The following IMPA1 variants were observed in gnomAD, a reference collection of about 807,000 sequenced individuals.
The protein encoded by IMPA1 is D-galactose 1-phosphate phosphatase.
IMPA1 carries 21 observed loss-of-function variants against 34.9 expected under a neutral mutation model. The observed-to-expected ratio is 0.60, with a 90% confidence interval of 0.43 to 0.87. The LOEUF is 0.87. Ranked by LOEUF, IMPA1 falls within the 40% of genes least tolerant of loss-of-function variation. The probability of loss-of-function intolerance (pLI) is 0.00; values close to 1 mark genes in which losing one functional copy is unlikely to be tolerated. For missense variants in IMPA1, 299 were observed against 336.4 expected, an observed-to-expected ratio of 0.89 and a Z score of 0.87; for synonymous variants, 95 against 104.4, an observed-to-expected ratio of 0.91 and a Z score of 0.55.
chr8:81,678,686 C>T (rs867592013), intron 4 of IMPA1: 44 of 174,528 alleles, frequency 2.5e-4, no homozygotes, highest in African/African-American at 1.0e-3. Context: ...GAGGGAAACT[C>T]CATCTTAAAA....
intron 7 of IMPA1, among the ~76,000 whole-genome samples, chr8:81,665,720 A>G (rs1479196560): frequency 1.3e-5 from 2 of 152,228 alleles, no homozygotes; most frequent in Non-Finnish European, 2.9e-5. Flanking sequence ...GCCTCCAGTT[A>G]AAAGATAAAA....
chr8:81,686,070 C>CCCGG (rs1807515050), intron 1 of IMPA1, 182 bp downstream of exon 1: 2 of 1,039,250 alleles, frequency 1.9e-6, no homozygotes, highest in Admixed American at 7.3e-5. Flanking sequence ...CGGAACTGTT[C>CCCGG]CCGGTCGCCC....
chr8:81,665,047 C>A (rs1806780217), intron 7 of IMPA1, among the ~76,000 whole-genome samples: 1 of 152,036 alleles, frequency 6.6e-6, no homozygotes, highest in Admixed American at 6.6e-5. Context: ...AGCAGGAACC[C>A]TGATCACAAA....
At chr8:81,662,267 TTTGATA>T (rs1806702099) in intron 7 of IMPA1, among the ~76,000 whole-genome samples, 3 of 152,322 alleles carry the variant, frequency 2.0e-5, no homozygotes, top group Middle Eastern at 3.4e-3. Context: ...ATATGTGATA[TTTGATA>T]TCTCATATCA....
At position 81,670,933 on chromosome 8, in the gene IMPA1, G is replaced by A; in HGVS notation, c.566+6C>T. On this transcript the variant is annotated splice_donor_region_variant and intron_variant, in intron 7 of 8. Coordinates refer to ENST00000256108, the MANE Select transcript of IMPA1 (RefSeq NM_005536.4). ...GAGAGAGATAGAATAATGGTAAAGA[G>A]CTTACCCATGAACAGGAATGCAAAA... The A allele has an allele frequency of 2.2e-6, 3 of 1,380,872 alleles. No individual in the cohort carries two copies. Among genetic ancestry groups the A allele is most frequent in the African/African-American group, 3.0e-5 (2 of 66,912 alleles). The allele number at this position is 1,380,872 out of a possible 1,614,324, so 85.5% of individuals were successfully genotyped here. A position where few individuals can be genotyped will look rare whatever the true frequency, so the allele number is the denominator to read the frequency against.
At chr8:81,674,916 T>C in intron 5 of IMPA1, 1 of 434,444 alleles carries the variant, frequency 2.3e-6, no homozygotes, top group South Asian at 1.6e-5. Flanking sequence ...TCAAATTTAA[T>C]CTCAAAAACA....
chr8:81,671,586 T>C (rs1806989679), intron 6 of IMPA1, among the ~76,000 whole-genome samples: 1 of 152,178 alleles, frequency 6.6e-6, no homozygotes, highest in Admixed American at 6.5e-5. Flanking sequence ...CTGTAACTGT[T>C]GTACTACATT....
chr8:81,682,063 A>T (rs540554297), intron 1 of IMPA1, among the ~76,000 whole-genome samples: 2,979 of 152,302 alleles, frequency 0.02, 87 homozygotes, highest in African/African-American at 0.066. Flanking sequence ...CCAAAATTAC[A>T]GACAAATGAC....
rs138569257 is a variant in IMPA1, at chr8:81,680,697, A to T, written c.150T>A (p.Val50=). The T allele has an allele frequency of 3.1e-6, 5 of 1,612,608 alleles. No homozygotes were observed. The African/African-American group carries it at 6.7e-5, about 22-fold the overall frequency. The part of the protein sequence containing the change: ...VDLVTATDQK[V]EKMLISSIKE... ...TTATGGAAGAGATAAGCATTTTTTC[A>T]ACTTTTTGGTCCGTAGCAGTTACCA... The change falls in exon 3 of 9, where the codon GTT becomes GTA. Residue 50 remains valine (V), a synonymous_variant. Transcript: ENST00000256108.
intron 3 of IMPA1, among the ~76,000 whole-genome samples, chr8:81,679,906 G>A (rs1381045825): frequency 6.6e-6 from 1 of 151,964 alleles, no homozygotes; most frequent in Non-Finnish European, 1.5e-5. Flanking sequence ...GGAGGCTGAG[G>A]CGGGCGGACC....
chr8:81,676,306 C>T (rs1486183320), intron 4 of IMPA1, 27 bp from the exon 5 acceptor site: 3 of 1,095,002 alleles, frequency 2.7e-6, no homozygotes, highest in South Asian at 3.1e-5. Context: ...GGACAAAATA[C>T]AAATTAACCA....
chr8:81,678,815 C>T (rs1396235149), intron 4 of IMPA1: 2 of 262,828 alleles, frequency 7.6e-6, no homozygotes, highest in African/African-American at 4.5e-5. Flanking sequence ...AAGTGCCCTT[C>T]CCACTCTCAA....
At chr8:81,683,554 C>G (rs1334179027) in intron 1 of IMPA1, among the ~76,000 whole-genome samples, 2 of 152,006 alleles carry the variant, frequency 1.3e-5, no homozygotes, top group Admixed American at 1.3e-4. Flanking sequence ...TATGGATAAC[C>G]GTCACAGTCT....
chr8:81,670,844 T>C (rs1196534074), intron 7 of IMPA1, 95 bp downstream of exon 7: 4 of 605,882 alleles, frequency 6.6e-6, no homozygotes, highest in South Asian at 4.5e-5. Context: ...CCATGATGTA[T>C]ATAATTTACT....
chr8:81,682,653 C>G (rs1807334989), intron 1 of IMPA1, among the ~76,000 whole-genome samples: 1 of 151,992 alleles, frequency 6.6e-6, no homozygotes, highest in Non-Finnish European at 1.5e-5. Flanking sequence ...CACTCTTACT[C>G]CCATTCTGCT....
At chr8:81,669,898 T>C (rs1806939585) in intron 7 of IMPA1, among the ~76,000 whole-genome samples, 1 of 152,120 alleles carries the variant, frequency 6.6e-6, no homozygotes, top group Admixed American at 6.5e-5. Context: ...GTTAATAGAT[T>C]AATGAGTCAT....
intron 8 of IMPA1, 45 bp downstream of exon 8, chr8:81,660,471 G>A (rs1258090449): frequency 2.5e-6 from 4 of 1,573,232 alleles, no homozygotes; most frequent in Non-Finnish European, 3.5e-6. Context: ...ATGGACAAAA[G>A]TCCAACAGAT....
chr8:81,662,077 T>C (rs1278592774), intron 7 of IMPA1, among the ~76,000 whole-genome samples: 1 of 152,222 alleles, frequency 6.6e-6, no homozygotes, highest in Non-Finnish European at 1.5e-5. Flanking sequence ...AATAACATGA[T>C]GTCATTGATT....
At chr8:81,667,177 C>T (rs903426790) in intron 7 of IMPA1, among the ~76,000 whole-genome samples, 3 of 151,862 alleles carry the variant, frequency 2.0e-5, no homozygotes, top group African/African-American at 7.3e-5. Flanking sequence ...GAATGTCATA[C>T]CCTGGAAATA....
Sources: gnomAD v4.1 joint callset for allele counts (sites outside exome capture counted in the v4.1 genomes callset) on GRCh38, gnomAD v4.1.1 for gene constraint, MANE v1.5 for transcripts, NCBI Gene and HGNC (gene_info 2026-07-23, HGNC 2026-07-21) for gene names.